Variants in PRKN observed in about 807,000 individuals in gnomAD.
PRKN encodes the protein parkin RBR E3 ubiquitin protein ligase.
In PRKN, 56 loss-of-function variants were observed where a neutral mutation model predicts 59.5. The observed-to-expected ratio is 0.94, with a 90% confidence interval of 0.76 to 1.18. The LOEUF (loss-of-function observed/expected upper bound fraction) is 1.18. Ranked by LOEUF, PRKN falls within the 50% of genes most tolerant of loss-of-function variation. PRKN has a pLI of 0.00. For synonymous variants in PRKN, 250 were observed against 222.1 expected, an observed-to-expected ratio of 1.13 and a Z score of -1.12; for missense variants, 657 against 596.4, an observed-to-expected ratio of 1.10 and a Z score of -1.06.
chr6:161,971,336 T>G (rs1481331850), intron 6 of PRKN, among the ~76,000 whole-genome samples: 3 of 152,222 alleles, frequency 2.0e-5, no homozygotes, highest in African/African-American at 7.2e-5. Context: ...TTTAATGTCA[T>G]GTTTACCAAC....
intron 5 of PRKN, among the ~76,000 whole-genome samples, chr6:161,997,514 G>C (rs1274763763): frequency 6.6e-6 from 1 of 152,042 alleles, no homozygotes; most frequent in African/African-American, 2.4e-5. Context: ...ACCTAACTCA[G>C]TACCAGCCAG....
chr6:161,885,486 A>G (rs1795105930), intron 6 of PRKN, among the ~76,000 whole-genome samples: 1 of 152,058 alleles, frequency 6.6e-6, no homozygotes, highest in South Asian at 2.1e-4. Context: ...AACACAGTGA[A>G]ACCCCGTCTC....
At chr6:161,572,867 T>G (rs1377544481) in intron 7 of PRKN, among the ~76,000 whole-genome samples, 1 of 152,030 alleles carries the variant, frequency 6.6e-6, no homozygotes, top group East Asian at 1.9e-4. Context: ...AGTTGTTGAT[T>G]TTGGGGTTGC....
At chr6:162,482,246 A>G (rs1792343837) in intron 1 of PRKN, among the ~76,000 whole-genome samples, 1 of 152,202 alleles carries the variant, frequency 6.6e-6, no homozygotes, top group South Asian at 2.1e-4. Flanking sequence ...AAAATATTTA[A>G]AACACTGTGG....
At chr6:161,938,730 T>C (rs998032472) in intron 6 of PRKN, among the ~76,000 whole-genome samples, 3 of 152,356 alleles carry the variant, frequency 2.0e-5, no homozygotes, top group African/African-American at 4.8e-5. Flanking sequence ...TTTGAGCCAC[T>C]GTATAACTTT....
intron 7 of PRKN, among the ~76,000 whole-genome samples, chr6:161,693,052 T>G (rs1785866918): frequency 1.3e-5 from 2 of 151,862 alleles, no homozygotes; most frequent in African/African-American, 4.8e-5. Context: ...AAACACAATA[T>G]ATTTCTGATT....
chr6:162,001,871 T>C (rs1002441755), intron 5 of PRKN, among the ~76,000 whole-genome samples: 5 of 142,776 alleles, frequency 3.5e-5, no homozygotes, highest in African/African-American at 2.7e-5. Context: ...TTTTTTTAAA[T>C]CATGAATGGG....
At chr6:161,368,108 G>A (rs1041665061) in intron 10 of PRKN, among the ~76,000 whole-genome samples, 3 of 151,466 alleles carry the variant, frequency 2.0e-5, no homozygotes, top group Non-Finnish European at 4.4e-5. Context: ...GGAAGTCCCC[G>A]GGGACTTTTG....
In PRKN at chr6:162,259,086, G is replaced by A. The variant is rs149935249; in HGVS notation, c.412+3439C>T. 3.3e-5 allele frequency among the ~76,000 whole-genome samples: 5 copies of A among 152,212 alleles called. No homozygotes were observed. The East Asian group carries it at 7.7e-4, about 23-fold the overall frequency. ...AGACTCTGGAAGCACAGAAAATTGG[G>A]ATTTCTTTTAATCTCTTTTTCTGAG... is the stretch of plus-strand genomic sequence containing the variant. On this transcript the variant is annotated intron_variant, in intron 3 of 11. Coordinates refer to ENST00000366898, the MANE Select transcript of PRKN (RefSeq NM_004562.3).
intron 4 of PRKN, among the ~76,000 whole-genome samples, chr6:162,102,221 T>C (rs112257508): frequency 0.15 from 22,135 of 151,782 alleles, 1,789 homozygotes; most frequent in Middle Eastern, 0.24. Context: ...CCAGTGTGTG[T>C]TGTTCCCCTC....
intron 1 of PRKN, among the ~76,000 whole-genome samples, chr6:162,650,032 A>T (rs1172462179): frequency 1.3e-5 from 2 of 152,238 alleles, no homozygotes; most frequent in Non-Finnish European, 2.9e-5. Flanking sequence ...TAGAGCACGG[A>T]CATACGTGAC....
At chr6:162,077,173 C>T (rs967784578) in intron 4 of PRKN, among the ~76,000 whole-genome samples, 1 of 152,114 alleles carries the variant, frequency 6.6e-6, no homozygotes, top group Non-Finnish European at 1.5e-5. Context: ...TGGAAGGATA[C>T]AGTTCATTGA....
At chr6:161,571,085 C>T (rs572935234) in intron 7 of PRKN, among the ~76,000 whole-genome samples, 46 of 152,130 alleles carry the variant, frequency 3.0e-4, no homozygotes, top group Admixed American at 9.2e-4. Context: ...GTGTGTGCAC[C>T]ACCAAGCCTG....
chr6:162,113,100 A>C (rs1345651367), intron 4 of PRKN, among the ~76,000 whole-genome samples: 1 of 152,196 alleles, frequency 6.6e-6, no homozygotes, highest in East Asian at 1.9e-4. Flanking sequence ...TTGTGGACAA[A>C]TGATCTGACA....
At chr6:162,092,660 CATT>C (rs959914228) in intron 4 of PRKN, among the ~76,000 whole-genome samples, 9 of 152,302 alleles carry the variant, frequency 5.9e-5, no homozygotes, top group African/African-American at 1.9e-4. Context: ...CTAGTATCAT[CATT>C]ATCTGCTGTT....
At chr6:162,392,824 T>C (rs2128145538) in intron 2 of PRKN, among the ~76,000 whole-genome samples, 1 of 152,322 alleles carries the variant, frequency 6.6e-6, no homozygotes, top group Non-Finnish European at 1.5e-5. Flanking sequence ...TTTATTTCTA[T>C]TACCTGTAAG....
At chr6:161,909,062 G>A (rs1362762054) in intron 6 of PRKN, among the ~76,000 whole-genome samples, 4 of 152,202 alleles carry the variant, frequency 2.6e-5, no homozygotes, top group Non-Finnish European at 5.9e-5. Context: ...AATGCACGAG[G>A]CTCTCCTGTT....
At chr6:161,891,304 T>G (rs2128232128) in intron 6 of PRKN, among the ~76,000 whole-genome samples, 1 of 152,334 alleles carries the variant, frequency 6.6e-6, no homozygotes. Flanking sequence ...TAGGCACAGC[T>G]TGTGCTGTTC....
rs1455339860 is a variant in PRKN, at chr6:161,680,754, TATATATATA to T, written c.871+105009_871+105017del. ...ATATATATATATATATATATATATA[TATATATATA>T]TATATATATATATTTTTTTTTTTTT... is the stretch of plus-strand genomic sequence containing the variant. On this transcript the variant is annotated intron_variant, in intron 7 of 11. Coordinates refer to ENST00000366898, the MANE Select transcript of PRKN (RefSeq NM_004562.3). Among the ~76,000 whole-genome samples, 106 of 23,324 alleles carry T rather than the reference TATATATATA, an allele frequency of 4.5e-3. 7 individuals carry two copies. Among genetic ancestry groups the T allele is most frequent in the African/African-American group, 0.013 (105 of 7,806 alleles). 15.3% of individuals were successfully genotyped at this position (23,324 alleles called of 152,430 possible). A position where few individuals can be genotyped will look rare whatever the true frequency, so the allele number is the denominator to read the frequency against.
Sources: gnomAD v4.1 joint callset for allele counts (sites outside exome capture counted in the v4.1 genomes callset) on GRCh38, gnomAD v4.1.1 for gene constraint, MANE v1.5 for transcripts, NCBI Gene and HGNC (gene_info 2026-07-23, HGNC 2026-07-21) for gene names.